Variants in SORCS1 observed in about 807,000 individuals in gnomAD.
The protein encoded by SORCS1 is sortilin related VPS10 domain containing receptor 1.
Under a neutral mutation model 146.1 loss-of-function variants are expected in SORCS1, and 60 were observed. The observed-to-expected ratio is 0.41, with a 90% confidence interval of 0.33 to 0.51. The LOEUF (loss-of-function observed/expected upper bound fraction) is 0.51. Among genes scored for constraint, SORCS1 ranks in the 20% least tolerant of loss-of-function variants. SORCS1 has a pLI of 0.21. For missense variants in SORCS1, 1,352 were observed against 1,487.6 expected (o/e 0.91, Z 1.50); for synonymous variants, 637 against 584.0 (o/e 1.09, Z -1.31).
intron 5 of SORCS1, among the ~76,000 whole-genome samples, chr10:106,738,259 C>G (rs1857108156): frequency 6.6e-6 from 1 of 152,066 alleles, no homozygotes; most frequent in Non-Finnish European, 1.5e-5. Context: ...ATGCGATTGT[C>G]TAATAATTAA....
chr10:106,621,032 T>A (rs752989654), intron 19 of SORCS1, among the ~76,000 whole-genome samples: 3 of 152,166 alleles, frequency 2.0e-5, no homozygotes, highest in Non-Finnish European at 4.4e-5. Context: ...GGTCTGTGTA[T>A]GTGTGAATGT....
chr10:106,885,675 T>C (rs977377313), intron 2 of SORCS1, among the ~76,000 whole-genome samples: 7 of 152,132 alleles, frequency 4.6e-5, no homozygotes, highest in African/African-American at 1.7e-4. Flanking sequence ...ATGGTAGCCA[T>C]GTGATATTGT....
chr10:106,889,888 T>TAAAAAAAAAAAAAA lies in SORCS1; in HGVS notation c.627-60229_627-60216dup, dbSNP rs772421907. Reference sequence around the variant, plus strand: ...TGACAGAGTGAGACTACGTCTCAAATAAAAAAAAAAAAAAAAAAAAAAAGC... The same window carrying TAAAAAAAAAAAAAA: ...TGACAGAGTGAGACTACGTCTCAAATAAAAAAAAAAAAAAAAAAAAAAAAAAAAAAAAAAAAAGC... On this transcript the variant is annotated intron_variant, in intron 2 of 25. Coordinates refer to ENST00000263054, the MANE Select transcript of SORCS1 (RefSeq NM_052918.5). Among the ~76,000 whole-genome samples, 27 of 71,666 alleles carry TAAAAAAAAAAAAAA rather than the reference T, an allele frequency of 3.8e-4. 2 individuals carry two copies. Among genetic ancestry groups the TAAAAAAAAAAAAAA allele is most frequent in the African/African-American group, 1.3e-3 (25 of 19,416 alleles). 47.0% of individuals were successfully genotyped at this position (71,666 alleles called of 152,430 possible).
At chr10:106,760,442 CAAAAAAAA>C (rs34324078) in intron 5 of SORCS1, among the ~76,000 whole-genome samples, 1 of 45,804 alleles carries the variant, frequency 2.2e-5, no homozygotes, top group South Asian at 1.1e-3. Context: ...GACTCCGTCT[CAAAAAAAA>C]AAAAAAAAAA....
At chr10:106,894,761 T>C (rs1383563966) in intron 2 of SORCS1, among the ~76,000 whole-genome samples, 3 of 152,182 alleles carry the variant, frequency 2.0e-5, no homozygotes, top group Non-Finnish European at 2.9e-5. Flanking sequence ...AAAAAAGACT[T>C]GTTATTTTAT....
chr10:106,664,577 G>A (rs565725128), intron 17 of SORCS1, among the ~76,000 whole-genome samples: 30 of 152,268 alleles, frequency 2.0e-4, no homozygotes, highest in Middle Eastern at 3.4e-3. Flanking sequence ...GGGAGGCGGA[G>A]GTTGCAGTGA....
At chr10:106,922,968 A>T (rs1458623795) in intron 2 of SORCS1, among the ~76,000 whole-genome samples, 2 of 150,822 alleles carry the variant, frequency 1.3e-5, no homozygotes, top group African/African-American at 4.9e-5. Context: ...AGCTCACTGG[A>T]ACCTCCACCT....
chr10:106,869,786 C>T (rs1027667337), intron 2 of SORCS1, among the ~76,000 whole-genome samples: 6 of 152,100 alleles, frequency 3.9e-5, no homozygotes, highest in Non-Finnish European at 7.4e-5. Context: ...CAGCACAAGA[C>T]AAGGATGCCC....
chr10:106,693,013 T>TAAACATATTGTTTAAAATTACC (rs1853414615), intron 9 of SORCS1, among the ~76,000 whole-genome samples: 1 of 152,152 alleles, frequency 6.6e-6, no homozygotes, highest in Admixed American at 6.6e-5. Flanking sequence ...ACAAAATTAT[T>TAAACATATTGTTTAAAATTACC]AAACATATTG....
intron 18 of SORCS1, among the ~76,000 whole-genome samples, chr10:106,648,911 G>A (rs1849652777): frequency 6.6e-6 from 1 of 152,000 alleles, no homozygotes; most frequent in South Asian, 2.1e-4. Context: ...CACACAGGCA[G>A]ATGGACATGG....
At chr10:107,023,812 G>A (rs1015544215) in intron 1 of SORCS1, among the ~76,000 whole-genome samples, 2 of 152,120 alleles carry the variant, frequency 1.3e-5, no homozygotes. Flanking sequence ...GCTTTCAAAT[G>A]TGTGGTCAGA....
At chr10:107,032,840 C>T (rs143862513) in intron 1 of SORCS1, among the ~76,000 whole-genome samples, 56 of 152,244 alleles carry the variant, frequency 3.7e-4, no homozygotes, top group African/African-American at 1.3e-3. Flanking sequence ...CTACATGATA[C>T]CCTCACACTT....
At chr10:107,081,017 T>C (rs1317700233) in intron 1 of SORCS1, among the ~76,000 whole-genome samples, 1 of 152,196 alleles carries the variant, frequency 6.6e-6, no homozygotes, top group Non-Finnish European at 1.5e-5. Flanking sequence ...ATCATTGCTA[T>C]TCCCATTTTA....
intron 3 of SORCS1, among the ~76,000 whole-genome samples, chr10:106,794,950 C>T (rs375262278): frequency 3.8e-4 from 58 of 152,278 alleles, no homozygotes; most frequent in African/African-American, 1.4e-3. Flanking sequence ...CAGGGGTCCC[C>T]CAATTCTGCT....
chr10:107,057,217 C>G (rs1053823215), intron 1 of SORCS1, among the ~76,000 whole-genome samples: 5 of 152,032 alleles, frequency 3.3e-5, no homozygotes, highest in African/African-American at 4.8e-5. Context: ...AGAGATCCAT[C>G]CCCAGAAAAA....
chr10:106,878,141 T>A (rs1306469782), intron 2 of SORCS1, among the ~76,000 whole-genome samples: 2 of 150,584 alleles, frequency 1.3e-5, no homozygotes, highest in African/African-American at 4.9e-5. Context: ...TAAATTTTTA[T>A]GAGCGGACCA....
At chr10:106,838,401 C>T (rs1369486856) in intron 2 of SORCS1, among the ~76,000 whole-genome samples, 1 of 152,172 alleles carries the variant, frequency 6.6e-6, no homozygotes. Context: ...CAGAGTGTTA[C>T]ATTTGTTACA....
At chr10:106,583,000 GC>G (rs948560033) in intron 24 of SORCS1, among the ~76,000 whole-genome samples, 3 of 152,104 alleles carry the variant, frequency 2.0e-5, no homozygotes, top group African/African-American at 7.2e-5. Context: ...AATGATATGA[GC>G]CCTTTTCAGA....
At chr10:106,805,824 C>T (rs907177179) in intron 3 of SORCS1, among the ~76,000 whole-genome samples, 15 of 151,616 alleles carry the variant, frequency 9.9e-5, no homozygotes, top group African/African-American at 3.6e-4. Context: ...TCTGGGAGGC[C>T]GAGACAGGTG....
Sources: gnomAD v4.1 joint callset for allele counts (sites outside exome capture counted in the v4.1 genomes callset) on GRCh38, gnomAD v4.1.1 for gene constraint, MANE v1.5 for transcripts, NCBI Gene and HGNC (gene_info 2026-07-23, HGNC 2026-07-21) for gene names.